MED12L: variants seen among roughly 807,000 people sequenced by gnomAD.
The protein encoded by MED12L is mediator of RNA polymerase II transcription subunit 12-like protein.
Under a neutral mutation model 281.3 loss-of-function variants are expected in MED12L, and 60 were observed. The ratio of observed to expected loss-of-function variants is 0.21; its 90% CI spans 0.17 to 0.26. The LOEUF (loss-of-function observed/expected upper bound fraction) is 0.26. MED12L is among the 10% of genes least tolerant of loss of function. The pLI, the probability that MED12L is intolerant of heterozygous loss-of-function variation, is 1.00. For missense variants in MED12L, 2,146 were observed against 2,680.9 expected (o/e 0.80, Z 4.41); for synonymous variants, 974 against 987.2 (o/e 0.99, Z 0.25).
chr3:151,217,673 A>G (rs1728510644), intron 16 of MED12L, among the ~76,000 whole-genome samples: 1 of 152,242 alleles, frequency 6.6e-6, no homozygotes, highest in Admixed American at 6.5e-5. Context: ...GATACAGCAG[A>G]GGCTCATGCC....
At chr3:151,317,479 C>G in intron 16 of MED12L, among the ~76,000 whole-genome samples, 1 of 82,416 alleles carries the variant, frequency 1.2e-5, no homozygotes, top group Admixed American at 2.0e-4. Context: ...GAGACGGAGT[C>G]TCACACTGTT....
intron 8 of MED12L, among the ~76,000 whole-genome samples, chr3:151,162,177 C>G (rs374175738): frequency 6.6e-6 from 1 of 152,048 alleles, no homozygotes; most frequent in African/African-American, 2.4e-5. Flanking sequence ...TTTGATAGAT[C>G]AGTGCCCTGG....
chr3:151,098,926 A>T (rs1427005655), intron 2 of MED12L, among the ~76,000 whole-genome samples: 4 of 152,164 alleles, frequency 2.6e-5, no homozygotes, highest in Non-Finnish European at 4.4e-5. Flanking sequence ...GACGCCTCAC[A>T]ATCATGGTGG....
intron 2 of MED12L, among the ~76,000 whole-genome samples, chr3:151,098,502 C>T (rs971199553): frequency 2.6e-5 from 4 of 152,216 alleles, no homozygotes; most frequent in African/African-American, 7.2e-5. Flanking sequence ...TTGCCTCCTT[C>T]AGCCTGTGGT....
chr3:151,398,974 C>G (rs1251547617), intron 39 of MED12L, among the ~76,000 whole-genome samples: 1 of 152,114 alleles, frequency 6.6e-6, no homozygotes, highest in South Asian at 2.1e-4. Flanking sequence ...CTGTACTCAC[C>G]TGTTTTCGGA....
In MED12L at chr3:151,436,162, A is replaced by G. The variant is rs1430966412; in HGVS notation, c.*3358A>G. The G allele has an allele frequency of 1.3e-5, 2 of 152,274 alleles. No individual in the cohort carries two copies. Among genetic ancestry groups the G allele is most frequent in the Admixed American group, 1.3e-4 (2 of 15,292 alleles). The allele number at this position is 152,274 out of a possible 1,614,324, so 9.4% of individuals were successfully genotyped here. On this transcript the variant is annotated 3_prime_UTR_variant, in exon 45 of 45. Coordinates refer to ENST00000687756, the MANE Select transcript of MED12L (RefSeq NM_001393769.1). Reference sequence around the variant, plus strand: ...GTATTCCCCATCAATGAAAATTTTCAGTGTGAACAAATGGTGAATCATAAG... The same window carrying G: ...GTATTCCCCATCAATGAAAATTTTCGGTGTGAACAAATGGTGAATCATAAG...
chr3:151,250,637 T>A (rs1736670511), intron 16 of MED12L, among the ~76,000 whole-genome samples: 2 of 152,234 alleles, frequency 1.3e-5, no homozygotes, highest in African/African-American at 4.8e-5. Context: ...TATTCCGCTC[T>A]ATGTATATAC....
At chr3:151,095,057 T>A (rs1342754462) in intron 2 of MED12L, among the ~76,000 whole-genome samples, 1 of 152,238 alleles carries the variant, frequency 6.6e-6, no homozygotes, top group Admixed American at 6.5e-5. Flanking sequence ...ATCGGGCAGT[T>A]TGGCCATTTT....
intron 16 of MED12L, among the ~76,000 whole-genome samples, chr3:151,307,590 G>C (rs1212281010): frequency 2.7e-5 from 4 of 149,464 alleles, no homozygotes; most frequent in African/African-American, 9.9e-5. Context: ...TGTGTGTTTA[G>C]AGCAGATGGG....
chr3:151,252,899 C>T (rs1473852592), intron 16 of MED12L, among the ~76,000 whole-genome samples: 3 of 152,034 alleles, frequency 2.0e-5, no homozygotes, highest in Non-Finnish European at 4.4e-5. Flanking sequence ...TGATTTAAAG[C>T]AATGACTGTA....
intron 16 of MED12L, among the ~76,000 whole-genome samples, chr3:151,248,711 C>G (rs1339776192): frequency 6.6e-6 from 1 of 152,050 alleles, no homozygotes; most frequent in Non-Finnish European, 1.5e-5. Context: ...TGGTTTATTA[C>G]TTGAATTTGG....
chr3:151,158,584 A>G (rs1719584117), intron 6 of MED12L, 105 bp from the exon 7 acceptor site: 3 of 661,104 alleles, frequency 4.5e-6, no homozygotes, highest in South Asian at 4.1e-5. Flanking sequence ...ATGTTTAACA[A>G]CAACAAAAAC....
chr3:151,223,301 A>G (rs937898411), intron 16 of MED12L, among the ~76,000 whole-genome samples: 1 of 152,166 alleles, frequency 6.6e-6, no homozygotes, highest in Non-Finnish European at 1.5e-5. Context: ...AAAGAACTAA[A>G]CATAAAATTA....
intron 2 of MED12L, among the ~76,000 whole-genome samples, chr3:151,115,434 C>T (rs1025334082): frequency 9.5e-5 from 13 of 137,308 alleles, no homozygotes; most frequent in South Asian, 2.3e-4. Context: ...CTTCAACCTC[C>T]GCCTCCCAGG....
chr3:151,198,810 C>T, intron 16 of MED12L: 1 of 1,613,608 alleles, frequency 6.2e-7, no homozygotes, highest in Non-Finnish European at 8.5e-7. Context: ...AAAATGATGG[C>T]TGAGAAATTT....
At chr3:151,310,723 G>A (rs1747387739) in intron 16 of MED12L, among the ~76,000 whole-genome samples, 1 of 152,038 alleles carries the variant, frequency 6.6e-6, no homozygotes, top group African/African-American at 2.4e-5. Flanking sequence ...TTAAATTTAA[G>A]TTCATTTGAA....
At chr3:151,252,800 A>G (rs1737099755) in intron 16 of MED12L, among the ~76,000 whole-genome samples, 2 of 152,168 alleles carry the variant, frequency 1.3e-5, no homozygotes, top group South Asian at 4.1e-4. Context: ...AAGTTCTAGA[A>G]CTTATCTAGA....
chr3:151,238,005 T>C (rs1054528941), intron 16 of MED12L, among the ~76,000 whole-genome samples: 1 of 152,214 alleles, frequency 6.6e-6, no homozygotes, highest in Non-Finnish European at 1.5e-5. Flanking sequence ...GTTTTCACTT[T>C]TAAAGTTATA....
chr3:151,098,050 TG>T (rs1720950152), intron 2 of MED12L, among the ~76,000 whole-genome samples: 1 of 152,140 alleles, frequency 6.6e-6, no homozygotes, highest in Non-Finnish European at 1.5e-5. Flanking sequence ...CAAAATGATA[TG>T]GGTGTGCCTT....
Sources: gnomAD v4.1 joint callset for allele counts (sites outside exome capture counted in the v4.1 genomes callset) on GRCh38, gnomAD v4.1.1 for gene constraint, MANE v1.5 for transcripts, NCBI Gene and HGNC (gene_info 2026-07-23, HGNC 2026-07-21) for gene names.